The following ATL3 variants were observed in gnomAD, a reference collection of about 807,000 sequenced individuals.
ATL3 encodes atlastin-3.
Under a neutral mutation model 69.5 loss-of-function variants are expected in ATL3, and 49 were observed. The ratio of observed to expected loss-of-function variants is 0.71; its 90% confidence interval spans 0.56 to 0.89. The LOEUF (loss-of-function observed/expected upper bound fraction) is 0.89. ATL3 is among the 40% of genes least tolerant of loss of function. The pLI, the probability that ATL3 is intolerant of heterozygous loss-of-function variation, is 0.00. For synonymous variants in ATL3, 214 were observed against 224.1 expected (o/e 0.95, Z 0.40); for missense variants, 606 against 645.7 (o/e 0.94, Z 0.67).
At chr11:63,658,963 A>T (rs1391448091) in intron 2 of ATL3, 59 bp from the exon 3 acceptor site, 1 of 1,596,154 alleles carries the variant, frequency 6.3e-7, no homozygotes, top group African/African-American at 1.3e-5. Context: ...CATCAAGGAT[A>T]ATCTATGAGC....
At chr11:63,671,716 A>G (rs914610128), upstream of ATL3, 9 of 1,275,836 alleles carry the variant, frequency 7.1e-6, no homozygotes, top group Admixed American at 1.8e-4. Flanking sequence ...CGGTCCTCAT[A>G]CTGCGCACTC....
At chr11:63,667,825 T>C (rs1395014947) in intron 1 of ATL3, among the ~76,000 whole-genome samples, 2 of 150,308 alleles carry the variant, frequency 1.3e-5, no homozygotes, top group Admixed American at 6.6e-5. Context: ...ACTACTGACA[T>C]ATTGACATTG....
intron 1 of ATL3, among the ~76,000 whole-genome samples, chr11:63,664,055 T>C (rs1033365880): frequency 6.6e-6 from 1 of 152,190 alleles, no homozygotes; most frequent in Non-Finnish European, 1.5e-5. Context: ...TCAGATTTCG[T>C]ATAGCAGAAC....
At chr11:63,669,603 C>T (rs936824715) in intron 1 of ATL3, among the ~76,000 whole-genome samples, 1 of 152,092 alleles carries the variant, frequency 6.6e-6, no homozygotes, top group Non-Finnish European at 1.5e-5. Context: ...TATCCCGTTA[C>T]TTCTATTTCA....
chr11:63,650,265 C>T (rs1475462520), intron 5 of ATL3, among the ~76,000 whole-genome samples: 1 of 152,098 alleles, frequency 6.6e-6, no homozygotes, highest in Non-Finnish European at 1.5e-5. Flanking sequence ...AGAAACAAGG[C>T]ATATTTCTGC....
In ATL3 at chr11:63,652,491, T is replaced by C; in HGVS notation, c.490A>G (p.Thr164Ala). The C allele has an allele frequency of 1.2e-6, 2 of 1,604,858 alleles. No individual in the cohort carries two copies. The highest frequency in any genetic ancestry group is 1.7e-6 in the Non-Finnish European group (2 of 1,174,402). The change falls in exon 4 of 13, where the codon ACT (threonine) becomes GCT (alanine). Residue 164 changes from threonine (T) to alanine (A), a missense_variant. Thr to Ala is a moderately conservative substitution (Grantham distance 58, BLOSUM62 0). Coordinates refer to ENST00000398868, the MANE Select transcript of ATL3 (RefSeq NM_015459.5). ...KDCATIFALSTMTSSVQIYNL... is the reference protein window; with the variant it reads ...KDCATIFALSAMTSSVQIYNL... ...TTTACCTGAACAGAACTAGTCATAG[T>C]GCTTAGAGCAAAGATGGTAGCACAG... is the stretch of plus-strand genomic sequence containing the variant.
intron 10 of ATL3, among the ~76,000 whole-genome samples, chr11:63,633,805 C>A (rs890884985): frequency 6.7e-6 from 1 of 148,358 alleles, no homozygotes; most frequent in Non-Finnish European, 1.5e-5. Context: ...GAGGCCGAGG[C>A]TGGCGGATCA....
rs1939053135 is a variant in ATL3 at position 63,624,880 on chromosome 11, A to G, written c.*4439T>C. On this transcript the variant is annotated 3_prime_UTR_variant, in exon 13 of 13. Coordinates refer to ENST00000398868, the MANE Select transcript of ATL3 (RefSeq NM_015459.5). ...CAAAGTGTCCACTTGCCTCCAGACAATACTGAATTGTACTTTCTCCTTGGT... is the reference window on the plus strand; with the variant it reads ...CAAAGTGTCCACTTGCCTCCAGACAGTACTGAATTGTACTTTCTCCTTGGT... 6.6e-6 allele frequency: 1 copy of G among 152,104 alleles called. No individual in the cohort carries two copies. Among genetic ancestry groups the G allele is most frequent in the Non-Finnish European group, 1.5e-5 (1 of 68,022 alleles). The allele number at this position is 152,104 out of a possible 1,614,324, so 9.4% of individuals were successfully genotyped here.
chr11:63,646,604 T>C (rs1347261144), intron 5 of ATL3, 41 bp from the exon 6 acceptor site: 1 of 1,377,120 alleles, frequency 7.3e-7, no homozygotes, highest in Non-Finnish European at 1.0e-6. Context: ...GCAAAATTAC[T>C]TAAAATAGTT....
At chr11:63,669,301 G>A (rs980601403) in intron 1 of ATL3, among the ~76,000 whole-genome samples, 1 of 152,026 alleles carries the variant, frequency 6.6e-6, no homozygotes, top group African/African-American at 2.4e-5. Context: ...TTGGGAGGCC[G>A]AGCTAGGAGG....
chr11:63,637,466 T>C (rs1036532128), intron 8 of ATL3, among the ~76,000 whole-genome samples: 1 of 152,206 alleles, frequency 6.6e-6, no homozygotes, highest in African/African-American at 2.4e-5. Context: ...TGCCTCATTA[T>C]ATTTATTTTC....
chr11:63,654,699 ATTTT>A (rs545924501), intron 3 of ATL3, among the ~76,000 whole-genome samples: 1 of 132,584 alleles, frequency 7.5e-6, no homozygotes, highest in Non-Finnish European at 1.6e-5. Context: ...TGTCTGGCCT[ATTTT>A]TTTTTTTTTT....
chr11:63,641,510 GA>G (rs1420097335), intron 8 of ATL3, among the ~76,000 whole-genome samples: 2 of 152,158 alleles, frequency 1.3e-5, no homozygotes, highest in African/African-American at 4.8e-5. Flanking sequence ...AACACACAAA[GA>G]AGGCGGTCAT....
chr11:63,633,777 AGCACTTTG>A (rs1939411158), intron 10 of ATL3, among the ~76,000 whole-genome samples: 1 of 151,290 alleles, frequency 6.6e-6, no homozygotes, highest in Non-Finnish European at 1.5e-5. Flanking sequence ...CTGTAATCCC[AGCACTTTG>A]GCACTTTGGG....
At chr11:63,634,292 G>A (rs935739301) in intron 10 of ATL3, among the ~76,000 whole-genome samples, 2 of 151,600 alleles carry the variant, frequency 1.3e-5, no homozygotes, top group African/African-American at 2.4e-5. Context: ...AGATCACGAG[G>A]TCAGGAGATC....
intron 3 of ATL3, among the ~76,000 whole-genome samples, chr11:63,653,863 C>CA (rs1300880157): frequency 6.6e-6 from 1 of 152,078 alleles, no homozygotes; most frequent in African/African-American, 2.4e-5. Context: ...AGGTACATTA[C>CA]AGAGAATGTT....
At chr11:63,644,982 G>A (rs1212810331) in intron 6 of ATL3, among the ~76,000 whole-genome samples, 1 of 152,138 alleles carries the variant, frequency 6.6e-6, no homozygotes, top group Non-Finnish European at 1.5e-5. Flanking sequence ...TTGGGAGGCT[G>A]AGGCAGGAGA....
At chr11:63,641,353 C>T (rs1939695466) in intron 8 of ATL3, among the ~76,000 whole-genome samples, 1 of 152,108 alleles carries the variant, frequency 6.6e-6, no homozygotes, top group Non-Finnish European at 1.5e-5. Context: ...ACAGCATCCC[C>T]CTCCCCAACA....
upstream of ATL3, chr11:63,671,717 C>T (rs1157920359): frequency 4.7e-6 from 6 of 1,276,970 alleles, no homozygotes; most frequent in Admixed American, 2.6e-5. Flanking sequence ...GGTCCTCATA[C>T]TGCGCACTCA....
Sources: gnomAD v4.1 joint callset for allele counts (sites outside exome capture counted in the v4.1 genomes callset) on GRCh38, gnomAD v4.1.1 for gene constraint, MANE v1.5 for transcripts, NCBI Gene and HGNC (gene_info 2026-07-23, HGNC 2026-07-21) for gene names.